Variants in WWOX observed in about 807,000 individuals in gnomAD.
The protein encoded by WWOX is WW domain containing oxidoreductase.
WWOX carries 69 observed loss-of-function variants against 46.2 expected under a neutral mutation model. The ratio of observed to expected loss-of-function variants is 1.49; its 90% CI spans 1.23 to 1.82. The LOEUF (loss-of-function observed/expected upper bound fraction) is 1.82, where lower values mean the gene tolerates loss of function less well. WWOX is among the 40% of genes most tolerant of loss of function. The probability of loss-of-function intolerance (pLI) is 0.00; values close to 1 mark genes in which losing one functional copy is unlikely to be tolerated. For missense variants in WWOX, 919 were observed against 542.6 expected (o/e 1.69, Z -6.89); for synonymous variants, 359 against 202.6 (o/e 1.77, Z -6.56).
Position 78,706,456 on chromosome 16 carries a change from C to T in WWOX, c.1056+273704C>T, listed in dbSNP as rs189426697. On this transcript the variant is annotated intron_variant, in intron 8 of 8. Transcript: ENST00000566780. ...GATTTCTTTCTGTAATCAAGAGCTC[C>T]ATCTCTGTTGCTTTCCTGGGGCTCT... is the stretch of plus-strand genomic sequence containing the variant. Among the ~76,000 whole-genome samples, 872 of 152,178 alleles carry T rather than the reference C, an allele frequency of 5.7e-3. 4 individuals carry two copies. The highest frequency in any genetic ancestry group is 0.01 in the Non-Finnish European group (697 of 68,010).
chr16:78,937,817 C>G (rs1166577715), intron 8 of WWOX, among the ~76,000 whole-genome samples: 1 of 151,172 alleles, frequency 6.6e-6, no homozygotes, highest in African/African-American at 2.4e-5. Context: ...AAATAGAGGT[C>G]TGTTTTTACT....
At chr16:78,841,949 C>G (rs1487296847) in intron 8 of WWOX, among the ~76,000 whole-genome samples, 4 of 152,006 alleles carry the variant, frequency 2.6e-5, no homozygotes, top group African/African-American at 9.7e-5. Flanking sequence ...CTGGACAGAG[C>G]TGGCAGACGT....
intron 8 of WWOX, among the ~76,000 whole-genome samples, chr16:78,433,785 T>TC (rs1305583087): frequency 1.9e-5 from 2 of 103,346 alleles, no homozygotes. Flanking sequence ...GACTTTTTTT[T>TC]TTTTTTTTTT....
chr16:79,129,659 C>A (rs184741130), intron 8 of WWOX, among the ~76,000 whole-genome samples: 1 of 152,184 alleles, frequency 6.6e-6, no homozygotes, highest in East Asian at 1.9e-4. Context: ...TTAGTTGCAT[C>A]CCAACATTCC....
chr16:79,105,610 C>T (rs78120158), intron 8 of WWOX, among the ~76,000 whole-genome samples: 1 of 152,048 alleles, frequency 6.6e-6, no homozygotes, highest in African/African-American at 2.4e-5. Flanking sequence ...TGTACACAGT[C>T]CTATATAATC....
intron 8 of WWOX, among the ~76,000 whole-genome samples, chr16:78,907,377 C>T (rs1187445091): frequency 3.3e-5 from 5 of 152,224 alleles, no homozygotes; most frequent in African/African-American, 4.8e-5. Flanking sequence ...AATTGCAAAT[C>T]TTGTAACCTC....
chr16:78,833,942 T>G lies in WWOX; in HGVS notation c.1057-377666T>G, dbSNP rs1554983. 7.4e-4 allele frequency among the ~76,000 whole-genome samples: 112 copies of G among 152,232 alleles called. 1 individual carries two copies. The highest frequency in any genetic ancestry group is 2.6e-3 in the African/African-American group (107 of 41,530). On this transcript the variant is annotated intron_variant, in intron 8 of 8. Coordinates refer to ENST00000566780, the MANE Select transcript of WWOX (RefSeq NM_016373.4). ...CTTTGAGGCCAAGGACTGTGTCTTA[T>G]TCTGTGTTGCATCCCTTTGGCTTCA...
chr16:78,650,365 C>G (rs1305109971), intron 8 of WWOX, among the ~76,000 whole-genome samples: 1 of 152,144 alleles, frequency 6.6e-6, no homozygotes, highest in Admixed American at 6.5e-5. Flanking sequence ...ATTCCATAAG[C>G]TGGAGACACT....
At chr16:78,936,067 G>T (rs2045731119) in intron 8 of WWOX, among the ~76,000 whole-genome samples, 1 of 152,158 alleles carries the variant, frequency 6.6e-6, no homozygotes, top group Non-Finnish European at 1.5e-5. Context: ...CTGGCCATAA[G>T]TTGGGAGGGT....
intron 8 of WWOX, among the ~76,000 whole-genome samples, chr16:78,732,894 G>A (rs776035793): frequency 7.2e-5 from 11 of 152,260 alleles, no homozygotes; most frequent in Non-Finnish European, 1.2e-4. Context: ...GAGAATAAGC[G>A]CTGTGTTTCG....
chr16:78,677,345 T>C (rs6564575), intron 8 of WWOX, among the ~76,000 whole-genome samples: 122,274 of 152,178 alleles, frequency 0.8, 49,238 homozygotes, highest in South Asian at 0.85. Context: ...ATGTTGAGAT[T>C]ACATACATCC....
intron 5 of WWOX, among the ~76,000 whole-genome samples, chr16:78,201,842 G>A (rs916477516): frequency 1.3e-5 from 2 of 151,982 alleles, no homozygotes; most frequent in African/African-American, 4.8e-5. Flanking sequence ...TGGGACTACA[G>A]GCACGTGCCA....
chr16:78,913,857 T>C lies in WWOX; in HGVS notation c.1057-297751T>C, dbSNP rs555612976. Reference sequence around the variant, plus strand: ...TGTATTTTTTGTAGATACGGGGTCTTGCTATGTTGTCCAGGCTGGTCTCAA... The same window carrying C: ...TGTATTTTTTGTAGATACGGGGTCTCGCTATGTTGTCCAGGCTGGTCTCAA... On this transcript the variant is annotated intron_variant, in intron 8 of 8. Coordinates refer to ENST00000566780, the MANE Select transcript of WWOX (RefSeq NM_016373.4). Among the ~76,000 whole-genome samples, 232 of 151,992 alleles carry C rather than the reference T, an allele frequency of 1.5e-3. 2 individuals carry two copies. The highest frequency in any genetic ancestry group is 2.7e-3 in the Non-Finnish European group (185 of 67,964).
intron 7 of WWOX, among the ~76,000 whole-genome samples, chr16:78,432,121 CTTTT>C (rs112523358): frequency 7.0e-6 from 1 of 142,918 alleles, no homozygotes; most frequent in African/African-American, 2.6e-5. Flanking sequence ...CCTCAGATTG[CTTTT>C]TTTTTTTTTT....
chr16:78,810,036 T>C (rs2051145968), intron 8 of WWOX, among the ~76,000 whole-genome samples: 1 of 152,216 alleles, frequency 6.6e-6, no homozygotes, highest in African/African-American at 2.4e-5. Context: ...ATGTTGAAGT[T>C]TCCATTTTTA....
rs143157946 is a variant in WWOX, at chr16:78,594,295, G to A, written c.1056+161543G>A. 1.8e-3 allele frequency among the ~76,000 whole-genome samples: 277 copies of A among 151,988 alleles called. 2 individuals carry two copies. Among genetic ancestry groups the A allele is most frequent in the African/African-American group, 6.2e-3 (258 of 41,464 alleles). On this transcript the variant is annotated intron_variant, in intron 8 of 8. Coordinates refer to ENST00000566780, the MANE Select transcript of WWOX (RefSeq NM_016373.4). ...TGCAAAGTCGATTCCTGACATTTCC[G>A]TAGACTGTTTTTTTTGTTTTCAGCA...
chr16:78,371,639 T>G (rs2151921919), intron 5 of WWOX, among the ~76,000 whole-genome samples: 2 of 152,310 alleles, frequency 1.3e-5, no homozygotes, highest in South Asian at 4.1e-4. Flanking sequence ...TTGTTATATA[T>G]TCTTGCTTAA....
At chr16:79,144,184 G>C (rs2050142547) in intron 8 of WWOX, among the ~76,000 whole-genome samples, 1 of 152,174 alleles carries the variant, frequency 6.6e-6, no homozygotes, top group African/African-American at 2.4e-5. Context: ...ACAGGCATGA[G>C]CCACTGCACA....
At chr16:79,197,501 A>G (rs923376781) in intron 8 of WWOX, among the ~76,000 whole-genome samples, 8 of 149,680 alleles carry the variant, frequency 5.3e-5, no homozygotes, top group African/African-American at 2.0e-4. Context: ...TTGAACACTT[A>G]CTGGTACACC....
Sources: allele counts gnomAD v4.1 joint callset (sites outside exome capture counted in the v4.1 genomes callset), GRCh38; gene constraint gnomAD v4.1.1; transcripts MANE v1.5; gene names NCBI Gene and HGNC (gene_info 2026-07-23, HGNC 2026-07-21).